EBF3: variants seen among roughly 807,000 people sequenced by gnomAD.
The protein encoded by EBF3 is transcription factor COE3.
EBF3 carries 18 observed loss-of-function variants against 77.1 expected under a neutral mutation model. The ratio of observed to expected loss-of-function variants is 0.23; its 90% CI spans 0.16 to 0.35. The LOEUF (loss-of-function observed/expected upper bound fraction) is 0.35. EBF3 is among the 10% of genes least tolerant of loss of function. The pLI is 1.00. For missense variants in EBF3, 558 were observed against 860.0 expected (o/e 0.65, Z 4.39); for synonymous variants, 350 against 343.5 (o/e 1.02, Z -0.21).
rs181441939 is a variant in EBF3 at position 129,892,461 on chromosome 10, C to T, written c.555-14612G>A. ...TTGGGGATTTTGGTGCCACGGATGC[C>T]GGACACCTGTGAGGTGAGCAACACC... On this transcript the variant is annotated intron_variant, in intron 6 of 16. Coordinates refer to ENST00000440978, the MANE Select transcript of EBF3 (RefSeq NM_001375380.1). 3.6e-3 allele frequency among the ~76,000 whole-genome samples: 553 copies of T among 152,298 alleles called. 6 individuals carry two copies. The highest frequency in any genetic ancestry group is 0.011 in the African/African-American group (442 of 41,556).
At chr10:129,940,011 C>A (rs1857620688) in intron 6 of EBF3, among the ~76,000 whole-genome samples, 1 of 152,238 alleles carries the variant, frequency 6.6e-6, no homozygotes, top group South Asian at 2.1e-4. Context: ...GGGGATGTAT[C>A]AGCCTCTTTT....
chr10:129,877,706 A>G, intron 7 of EBF3, 62 bp downstream of exon 7: 1 of 1,432,440 alleles, frequency 7.0e-7, no homozygotes, highest in Non-Finnish European at 9.8e-7. Context: ...TGCAAATCAG[A>G]GAATTCAAAT....
At chr10:129,915,462 G>GCGCA in intron 6 of EBF3, among the ~76,000 whole-genome samples, 1 of 139,722 alleles carries the variant, frequency 7.2e-6, no homozygotes, top group Non-Finnish European at 1.5e-5. Flanking sequence ...GCGCACACAT[G>GCGCA]CACACACACA....
chr10:129,959,068 G>A, intron 4 of EBF3, 61 bp from the exon 5 acceptor site: 1 of 1,588,384 alleles, frequency 6.3e-7, no homozygotes, highest in East Asian at 2.3e-5. Flanking sequence ...GCGCCAAATC[G>A]CCCCGGGCGC....
intron 6 of EBF3, among the ~76,000 whole-genome samples, chr10:129,924,738 C>G (rs1165292766): frequency 6.6e-6 from 1 of 152,304 alleles, no homozygotes; most frequent in Non-Finnish European, 1.5e-5. Flanking sequence ...ATGATCATGG[C>G]TCACTGTAGC....
chr10:129,847,565 TTTA>T (rs1369834555), intron 11 of EBF3, among the ~76,000 whole-genome samples: 1 of 152,166 alleles, frequency 6.6e-6, no homozygotes, highest in Non-Finnish European at 1.5e-5. Context: ...TCTAAAAGGT[TTTA>T]TTGTGTTAAT....
chr10:129,874,986 A>G lies in EBF3; in HGVS notation c.637-1390T>C, dbSNP rs11016992. Among the ~76,000 whole-genome samples the G allele has an allele frequency of 0.014, 2,076 of 152,222 alleles. 73 individuals carry two copies. The East Asian group carries it at 0.16, about 11-fold the overall frequency. ...TTTCTGCGAAATTGTTTTTAAACCT[A>G]AACTTCTCTAAGAAAAATAAAGCCT... On this transcript the variant is annotated intron_variant, in intron 7 of 16. Transcript: ENST00000440978.
chr10:129,854,627 G>A (rs902700789), intron 10 of EBF3, among the ~76,000 whole-genome samples: 1 of 152,202 alleles, frequency 6.6e-6, no homozygotes, highest in Non-Finnish European at 1.5e-5. Context: ...GATTGCAGGT[G>A]CAAATTAATA....
chr10:129,865,752 G>A (rs888657030), intron 10 of EBF3, among the ~76,000 whole-genome samples: 1 of 152,240 alleles, frequency 6.6e-6, no homozygotes, highest in Non-Finnish European at 1.5e-5. Context: ...GGAAGAGGCT[G>A]AAGGACGTCT....
intron 6 of EBF3, among the ~76,000 whole-genome samples, chr10:129,890,046 C>T (rs1389643896): frequency 7.2e-6 from 1 of 139,334 alleles, no homozygotes; most frequent in Non-Finnish European, 1.5e-5. Context: ...AGAGGTAGTG[C>T]AGGGCACACT....
chr10:129,932,089 C>T (rs1406740066), intron 6 of EBF3, among the ~76,000 whole-genome samples: 2 of 152,166 alleles, frequency 1.3e-5, no homozygotes, highest in African/African-American at 4.8e-5. Context: ...GAGGTGAGGG[C>T]AATGAAGGAC....
intron 6 of EBF3, among the ~76,000 whole-genome samples, chr10:129,909,273 A>G (rs2134282599): frequency 6.6e-6 from 1 of 152,334 alleles, no homozygotes; most frequent in South Asian, 2.1e-4. Flanking sequence ...AGCAAATCCC[A>G]TGGCCATGAA....
At chr10:129,924,430 C>CAAAAAAAAAAA (rs956215243) in intron 6 of EBF3, among the ~76,000 whole-genome samples, 2 of 108,452 alleles carry the variant, frequency 1.8e-5, no homozygotes, top group African/African-American at 3.6e-5. Context: ...ACAACAACAA[C>CAAAAAAAAAAA]AAAAAAAAAA....
intron 6 of EBF3, among the ~76,000 whole-genome samples, chr10:129,892,201 G>A (rs1051568119): frequency 6.6e-6 from 1 of 152,210 alleles, no homozygotes; most frequent in African/African-American, 2.4e-5. Flanking sequence ...GCTCTTAGTC[G>A]GGTTCCTCTT....
chr10:129,903,308 T>G (rs1854916523), intron 6 of EBF3, among the ~76,000 whole-genome samples: 1 of 152,236 alleles, frequency 6.6e-6, no homozygotes, highest in South Asian at 2.1e-4. Flanking sequence ...TAAGAGATGT[T>G]TGGAAGGCCC....
intron 10 of EBF3, among the ~76,000 whole-genome samples, chr10:129,855,839 C>T (rs1446275005): frequency 6.6e-6 from 1 of 152,212 alleles, no homozygotes; most frequent in African/African-American, 2.4e-5. Flanking sequence ...GTCTTAAGAA[C>T]CAAACAGGAA....
intron 6 of EBF3, among the ~76,000 whole-genome samples, chr10:129,895,412 G>A (rs1178990137): frequency 6.6e-6 from 1 of 152,224 alleles, no homozygotes; most frequent in Admixed American, 6.5e-5. Context: ...TACCAAGAGC[G>A]GGCTCTGGAC....
intron 6 of EBF3, among the ~76,000 whole-genome samples, chr10:129,941,926 A>G (rs1370262699): frequency 6.6e-6 from 1 of 152,214 alleles, no homozygotes; most frequent in Non-Finnish European, 1.5e-5. Flanking sequence ...CCCACAAGGG[A>G]TGACACAGGG....
rs2134467218 is a variant in EBF3, at chr10:129,938,285, G to A, written c.554+18973C>T. On this transcript the variant is annotated intron_variant, in intron 6 of 16. Transcript: ENST00000440978. This position sits in a 1 kb window ranked among gnomAD's most constrained non-coding sequence, Gnocchi z 5.1. ...CCGGGTGCAATGGCTCTCATCTATA[G>A]TCCCAGCACTTTGGAAGGCCAAGGG... 6.6e-6 allele frequency among the ~76,000 whole-genome samples: 1 copy of A among 151,246 alleles called. No homozygotes were observed. The highest frequency in any genetic ancestry group is 1.5e-5 in the Non-Finnish European group (1 of 67,904).
Sources: allele counts gnomAD v4.1 joint callset (sites outside exome capture counted in the v4.1 genomes callset), GRCh38; gene constraint gnomAD v4.1.1; non-coding constraint Gnocchi (gnomAD v3.1); transcripts MANE v1.5; gene names NCBI Gene and HGNC (gene_info 2026-07-23, HGNC 2026-07-21).